The following KISS1R variants were observed in gnomAD, a reference collection of about 807,000 sequenced individuals.
KISS1R encodes KISS1 receptor, also known as kiSS-1 receptor.
A neutral mutation model predicts 22.0 loss-of-function variants in KISS1R; 19 were observed. That is an observed-to-expected ratio of 0.86 (90% CI 0.60 to 1.26). KISS1R has a LOEUF of 1.26. KISS1R is among the 50% of genes most tolerant of loss of function. KISS1R has a pLI of 0.00. For missense variants in KISS1R, 653 were observed against 581.9 expected (o/e 1.12, Z -1.26); for synonymous variants, 302 against 283.9 (o/e 1.06, Z -0.64).
At chr19:919,407 C>G in intron 2 of KISS1R, 83 bp from the exon 3 acceptor site, 2 of 1,521,290 alleles carry the variant, frequency 1.3e-6, no homozygotes, top group South Asian at 1.2e-5. Flanking sequence ...TGTTCGCACA[C>G]GTAGGGGGAT....
chr19:920,498 C>G lies in KISS1R; in HGVS notation c.947C>G (p.Ser316Cys). ...TWAHCMSYSN[S>C]ALNPLLYAFL... ...GCTCACTGCATGTCCTACAGCAACT[C>G]CGCGCTGAACCCGCTGCTCTACGCC... The change falls in exon 5 of 5, where the codon TCC becomes TGC. Residue 316 changes from serine (S) to cysteine (C), a missense_variant. Coordinates refer to ENST00000234371, the MANE Select transcript of KISS1R (RefSeq NM_032551.5). 1 of 1,609,460 alleles carries G rather than the reference C, an allele frequency of 6.2e-7. No homozygotes were observed. Among genetic ancestry groups the G allele is most frequent in the Non-Finnish European group, 8.5e-7 (1 of 1,178,708 alleles).
At position 920,111 on chromosome 19, in the gene KISS1R, G is replaced by A; in HGVS notation, c.738+5G>A. On this transcript the variant is annotated splice_donor_5th_base_variant and intron_variant, in intron 4 of 4. Coordinates refer to ENST00000234371, the MANE Select transcript of KISS1R (RefSeq NM_032551.5). Reference sequence around the variant, plus strand: ...CCCGCCGATAGCGCCCTGCAGGTGCGCGGCGTGGGTGGGAGGACAGCAAGG... The same window carrying A: ...CCCGCCGATAGCGCCCTGCAGGTGCACGGCGTGGGTGGGAGGACAGCAAGG... The A allele has an allele frequency of 6.7e-7, 1 of 1,496,328 alleles. No homozygotes were observed. Among genetic ancestry groups the A allele is most frequent in the Non-Finnish European group, 8.8e-7 (1 of 1,131,338 alleles). The allele number at this position is 1,496,328 out of a possible 1,614,324, so 92.7% of individuals were successfully genotyped here. A position where few individuals can be genotyped will look rare whatever the true frequency, so the allele number is the denominator to read the frequency against.
In KISS1R at chr19:917,764, G is replaced by A. The variant is rs935740547; in HGVS notation, c.244+18G>A. On this transcript the variant is annotated intron_variant, in intron 1 of 4. Coordinates refer to ENST00000234371, the MANE Select transcript of KISS1R (RefSeq NM_032551.5). ...CTACATCGGTGAGTGCGGGCGCTGC[G>A]CCGCACCTGCTGCCGTCCCGGGGGC... is the stretch of plus-strand genomic sequence containing the variant. The A allele has an allele frequency of 1.3e-6, 2 of 1,589,258 alleles. No individual in the cohort carries two copies. Among genetic ancestry groups the A allele is most frequent in the African/African-American group, 2.7e-5 (2 of 73,646 alleles).
chr19:919,638 C>G lies in KISS1R; in HGVS notation c.505+13C>G. The G allele has an allele frequency of 2.6e-6, 4 of 1,546,896 alleles. No homozygotes were observed. The highest frequency in any genetic ancestry group is 3.5e-6 in the Non-Finnish European group (4 of 1,150,210). ...AGCATCTGGGTAGGTGAGTACAGCT[C>G]AGGGGCCTCACGGGAGAAGGCGGAC... On this transcript the variant is annotated intron_variant, in intron 3 of 4. Coordinates refer to ENST00000234371, the MANE Select transcript of KISS1R (RefSeq NM_032551.5).
Position 917,756 on chromosome 19 carries a change from G to A in KISS1R, c.244+10G>A. On this transcript the variant is annotated intron_variant, in intron 1 of 4. Transcript: ENST00000234371. ...ACCAACTTCTACATCGGTGAGTGCG[G>A]GCGCTGCGCCGCACCTGCTGCCGTC... 2 of 1,593,818 alleles carry A rather than the reference G, an allele frequency of 1.3e-6. No individual in the cohort carries two copies. The highest frequency in any genetic ancestry group is 1.1e-5 in the South Asian group (1 of 89,546).
intron 3 of KISS1R, 68 bp downstream of exon 3, chr19:919,693 A>ACCTGC (rs1478424560): frequency 6.5e-7 from 1 of 1,533,040 alleles, no homozygotes; most frequent in African/African-American, 1.4e-5. Flanking sequence ...GCCCGGAGCC[A>ACCTGC]CCTGCCGCCT....
Position 920,084 on chromosome 19 carries a change from C to T in KISS1R, c.716C>T (p.Ala239Val). The change falls in exon 4 of 5, where the codon GCG becomes GTG. Residue 239 changes from alanine to valine, a missense_variant. Physicochemically the swap from Ala to Val is moderately conservative, Grantham distance 64 (BLOSUM62 0). Coordinates refer to ENST00000234371, the MANE Select transcript of KISS1R (RefSeq NM_032551.5). ...CTGGGCCGGGTCGCCGTGCGCCCCG[C>T]GCCCGCCGATAGCGCCCTGCAGGTG... ...RHLGRVAVRP[A>V]PADSALQGQV... 6.7e-7 allele frequency: 1 copy of T among 1,491,304 alleles called. No homozygotes were observed. Among genetic ancestry groups the T allele is most frequent in the African/African-American group, 1.4e-5 (1 of 70,690 alleles). The allele number at this position is 1,491,304 out of a possible 1,614,324, so 92.4% of individuals were successfully genotyped here. A position where few individuals can be genotyped will look rare whatever the true frequency, so the allele number is the denominator to read the frequency against.
intron 2 of KISS1R, among the ~76,000 whole-genome samples, chr19:919,165 G>A (rs1350995328): frequency 6.6e-6 from 1 of 151,652 alleles, no homozygotes; most frequent in Non-Finnish European, 1.5e-5. Context: ...GGATGCAGAC[G>A]GGGACCCGGG....
At chr19:919,456 A>AGGTGGCCACACGCCCGGCT (rs1568348001) in intron 2 of KISS1R, 34 bp from the exon 3 acceptor site, 2 of 1,538,714 alleles carry the variant, frequency 1.3e-6, no homozygotes, top group Admixed American at 3.9e-5. Context: ...CCAACCGCGC[A>AGGTGGCCACACGCCCGGCT]GGTGGCCACA....
Position 919,956 on chromosome 19 carries a change from C to G in KISS1R, c.588C>G (p.Pro196=), listed in dbSNP as rs1421297360. The part of the protein sequence containing the change: ...GPRAYCSEAF[P]SRALERAFAL... ...GCGCCTACTGCAGTGAGGCCTTCCC[C>G]AGCCGCGCCCTGGAGCGCGCCTTCG... Residue 196 remains proline, a synonymous_variant, in exon 4 of 5, where the codon CCC becomes CCG. Coordinates refer to ENST00000234371, the MANE Select transcript of KISS1R (RefSeq NM_032551.5). 6.4e-7 allele frequency: 1 copy of G among 1,571,262 alleles called. No homozygotes were observed.
chr19:919,522 C>T lies in KISS1R; in HGVS notation c.402C>T (p.Thr134=), dbSNP rs1378035501. The part of the protein sequence containing the change: ...VSVQATCATL[T]AMSVDRWYVT... ...TGCAGGCCACGTGTGCCACTCTGAC[C>T]GCCATGAGTGTGGACCGCTGGTACG... Residue 134 remains threonine, a synonymous_variant, in exon 3 of 5, where the codon ACC becomes ACT. Coordinates refer to ENST00000234371, the MANE Select transcript of KISS1R (RefSeq NM_032551.5). 2.6e-6 allele frequency: 4 copies of T among 1,561,862 alleles called. No homozygotes were observed. The highest frequency in any genetic ancestry group is 2.3e-5 in the South Asian group (2 of 85,658).
At position 920,795 on chromosome 19, in the gene KISS1R, C is replaced by T; in HGVS notation, c.*47C>T. The T allele has an allele frequency of 8.0e-7, 1 of 1,246,776 alleles. No individual in the cohort carries two copies. Among genetic ancestry groups the T allele is most frequent in the Non-Finnish European group, 1.0e-6 (1 of 996,350 alleles). The allele number at this position is 1,246,776 out of a possible 1,614,324, so 77.2% of individuals were successfully genotyped here. A position where few individuals can be genotyped will look rare whatever the true frequency, so the allele number is the denominator to read the frequency against. ...GCGGCTCCCTCGGGAGCGGGGACTG[C>T]TGGAACAGCGGCTATTCTTCTGTTA... is the stretch of plus-strand genomic sequence containing the variant. On this transcript the variant is annotated 3_prime_UTR_variant, in exon 5 of 5. Coordinates refer to ENST00000234371, the MANE Select transcript of KISS1R (RefSeq NM_032551.5).
Position 917,752 on chromosome 19 carries a change from T to C in KISS1R, c.244+6T>C, listed in dbSNP as rs2037070061. 1.4e-5 allele frequency: 22 copies of C among 1,594,822 alleles called. No homozygotes were observed. The highest frequency in any genetic ancestry group is 1.8e-5 in the Non-Finnish European group (21 of 1,169,370). ...CGTGACCAACTTCTACATCGGTGAG[T>C]GCGGGCGCTGCGCCGCACCTGCTGC... On this transcript the variant is annotated splice_donor_region_variant and intron_variant, in intron 1 of 4. Coordinates refer to ENST00000234371, the MANE Select transcript of KISS1R (RefSeq NM_032551.5).
At chr19:919,417 T>A (rs899993894) in intron 2 of KISS1R, 73 bp from the exon 3 acceptor site, 1 of 1,529,974 alleles carries the variant, frequency 6.5e-7, no homozygotes. Context: ...CGTAGGGGGA[T>A]CAGCAGGGCG....
chr19:918,332 C>T (rs2037076692), intron 1 of KISS1R, among the ~76,000 whole-genome samples: 1 of 150,496 alleles, frequency 6.6e-6, no homozygotes, highest in South Asian at 2.1e-4. Flanking sequence ...GAGCCGGAGG[C>T]GTAATGTTTG....
In KISS1R at chr19:920,079, C is replaced by T. The variant is rs1236755069; in HGVS notation, c.711C>T (p.Arg237=). ...MLRHLGRVAV[R]PAPADSALQG... is the part of the protein sequence containing the mutation. ...GCCACCTGGGCCGGGTCGCCGTGCG[C>T]CCCGCGCCCGCCGATAGCGCCCTGC... The change falls in exon 4 of 5, where the codon CGC becomes CGT. Residue 237 remains arginine, a synonymous_variant. Transcript: ENST00000234371. 1 of 1,505,888 alleles carries T rather than the reference C, an allele frequency of 6.6e-7. No individual in the cohort carries two copies. Among genetic ancestry groups the T allele is most frequent in the Non-Finnish European group, 8.8e-7 (1 of 1,133,662 alleles). The allele number at this position is 1,505,888 out of a possible 1,614,324, so 93.3% of individuals were successfully genotyped here. A position where few individuals can be genotyped will look rare whatever the true frequency, so the allele number is the denominator to read the frequency against.
At chr19:919,362 C>G in intron 2 of KISS1R, 128 bp from the exon 3 acceptor site, 1 of 1,350,026 alleles carries the variant, frequency 7.4e-7, no homozygotes, top group South Asian at 1.3e-5. Context: ...GCACTGGACA[C>G]TCCTCCCAGG....
chr19:917,628 C>G lies in KISS1R; in HGVS notation c.126C>G (p.Ala42=), dbSNP rs536442234. ...GPVPSPRAVD[A]WLVPLFFAAL... The stretch of plus-strand genomic sequence containing the variant: ...TCCCTTCGCCGCGGGCCGTGGACGC[C>G]TGGCTCGTGCCGCTCTTCTTCGCGG... The change falls in exon 1 of 5, where the codon GCC becomes GCG. Residue 42 remains alanine (A), a synonymous_variant. Transcript: ENST00000234371. The G allele has an allele frequency of 1.3e-6, 2 of 1,581,228 alleles. No homozygotes were observed. Among genetic ancestry groups the G allele is most frequent in the Non-Finnish European group, 1.7e-6 (2 of 1,165,838 alleles).
At chr19:918,491 G>T in intron 1 of KISS1R, 53 bp from the exon 2 acceptor site, 1 of 1,533,146 alleles carries the variant, frequency 6.5e-7, no homozygotes, top group South Asian at 1.2e-5. Flanking sequence ...AGCGCTGGGC[G>T]GTTCCCGCGG....
Sources: gnomAD v4.1 joint callset for allele counts (sites outside exome capture counted in the v4.1 genomes callset) on GRCh38, gnomAD v4.1.1 for gene constraint, MANE v1.5 for transcripts, NCBI Gene and HGNC (gene_info 2026-07-23, HGNC 2026-07-21) for gene names.